Variants in ATF2 observed in about 807,000 individuals in gnomAD.
ATF2 encodes the protein activating transcription factor 2.
ATF2 carries 24 observed loss-of-function variants against 60.6 expected under a neutral mutation model. That is an observed-to-expected ratio of 0.40 (90% CI 0.29 to 0.56). The LOEUF is 0.56. Ranked by LOEUF, ATF2 falls within the 20% of genes least tolerant of loss-of-function variation. ATF2 has a pLI of 0.54. For synonymous variants in ATF2, 206 were observed against 215.4 expected (o/e 0.96, Z 0.38); for missense variants, 433 against 607.7 (o/e 0.71, Z 3.02).
intron 1 of ATF2, among the ~76,000 whole-genome samples, chr2:175,167,037 T>C (rs1469797968): frequency 1.3e-5 from 2 of 152,198 alleles, no homozygotes; most frequent in African/African-American, 4.8e-5. Flanking sequence ...AAATTTCTGA[T>C]GCCTAAGGTC....
At chr2:175,106,653 T>G (rs1205400) in intron 10 of ATF2, among the ~76,000 whole-genome samples, 1 of 151,478 alleles carries the variant, frequency 6.6e-6, no homozygotes, top group Non-Finnish European at 1.5e-5. Flanking sequence ...CTGGCCAACA[T>G]GGTGAAACCC....
rs1277518251 is a variant in ATF2, at chr2:175,080,770, A to T, written c.1186-5T>A. The T allele has an allele frequency of 2.5e-6, 4 of 1,608,206 alleles. No individual in the cohort carries two copies. Among genetic ancestry groups the T allele is most frequent in the Admixed American group, 3.3e-5 (2 of 59,752 alleles). ...TCTCAGCAGGGTGACTTCACTCTGG[A>T]GAAGAAACAACTTATGTACCTTACC... is the stretch of plus-strand genomic sequence containing the variant. On this transcript the variant is annotated splice_region_variant and splice_polypyrimidine_tract_variant and intron_variant, in intron 12 of 13. Transcript: ENST00000264110.
In ATF2 at chr2:175,111,644, G is replaced by A. The variant is rs200331162; in HGVS notation, c.752C>T (p.Pro251Leu). 6.2e-7 allele frequency: 1 copy of A among 1,613,460 alleles called. No individual in the cohort carries two copies. The change falls in exon 10 of 14, where the codon CCA (proline) becomes CTA (leucine). Residue 251 changes from proline to leucine, a missense_variant. Transcript: ENST00000264110. Reference protein sequence around the residue: ...HVPAAVPLVRPVTMVPSVPGI... With the variant: ...HVPAAVPLVRLVTMVPSVPGI... ...TGGAACACTAGGCACCATGGTGACT[G>A]GTCGAACGAGCTATGCATGACATAA...
At chr2:175,133,794 A>G (rs558108014) in intron 3 of ATF2, among the ~76,000 whole-genome samples, 1 of 152,324 alleles carries the variant, frequency 6.6e-6, no homozygotes, top group African/African-American at 2.4e-5. Flanking sequence ...GCAAAGGTTA[A>G]ACAGGACACA....
intron 2 of ATF2, among the ~76,000 whole-genome samples, chr2:175,149,949 T>G (rs1351233592): frequency 1.3e-5 from 2 of 152,184 alleles, no homozygotes; most frequent in African/African-American, 4.8e-5. Context: ...TAAACATTAT[T>G]GAGCACATGC....
chr2:175,102,621 T>C (rs1325566604), intron 10 of ATF2, among the ~76,000 whole-genome samples: 2 of 151,980 alleles, frequency 1.3e-5, no homozygotes, highest in Non-Finnish European at 2.9e-5. Flanking sequence ...ACTTAAAAAT[T>C]AGCCAGGTGT....
At chr2:175,105,886 T>A (rs1337722502) in intron 10 of ATF2, among the ~76,000 whole-genome samples, 1 of 152,154 alleles carries the variant, frequency 6.6e-6, no homozygotes, top group Non-Finnish European at 1.5e-5. Context: ...AGTGCACTTC[T>A]AAATAACTCA....
intron 3 of ATF2, among the ~76,000 whole-genome samples, chr2:175,133,073 A>G (rs1682266684): frequency 6.6e-6 from 1 of 151,704 alleles, no homozygotes; most frequent in African/African-American, 2.4e-5. Context: ...TGGGCAACAG[A>G]GTGAGACTCT....
rs185620426 is a variant in ATF2 at position 175,118,175 on chromosome 2, T to C, written c.319-57A>G. On this transcript the variant is annotated intron_variant, in intron 6 of 13. Coordinates refer to ENST00000264110, the MANE Select transcript of ATF2 (RefSeq NM_001880.4). ...AGTTCAAAAACAGTGTGTCTAAATT[T>C]AAAAAGCAGGAAGTATAAACTATGA... 5.6e-6 allele frequency: 9 copies of C among 1,594,246 alleles called. No individual in the cohort carries two copies. In the East Asian group the frequency reaches 1.8e-4, roughly 32 times the overall value.
At chr2:175,142,699 G>A (rs1358516467) in intron 2 of ATF2, among the ~76,000 whole-genome samples, 1 of 114,762 alleles carries the variant, frequency 8.7e-6, no homozygotes, top group Non-Finnish European at 1.9e-5. Context: ...GAGAGAGAGA[G>A]AGAGAGAGAG....
chr2:175,123,803 T>A (rs1159077767), intron 4 of ATF2, among the ~76,000 whole-genome samples: 1 of 152,020 alleles, frequency 6.6e-6, no homozygotes, highest in Non-Finnish European at 1.5e-5. Context: ...ATTAATTATA[T>A]ACAGGGACAG....
chr2:175,142,186 C>CTTTTTT (rs377013083), intron 2 of ATF2, among the ~76,000 whole-genome samples: 5 of 133,026 alleles, frequency 3.8e-5, no homozygotes, highest in Admixed American at 7.5e-5. Flanking sequence ...GTTTTCTTTT[C>CTTTTTT]TTTTTTTTTT....
At position 175,074,468 on chromosome 2, in the gene ATF2, A is replaced by G. The variant is rs1693142830; in HGVS notation, c.*141T>C. The G allele has an allele frequency of 9.0e-7, 1 of 1,107,212 alleles. No individual in the cohort carries two copies. The highest frequency in any genetic ancestry group is 1.6e-5 in the African/African-American group (1 of 62,884). 68.6% of individuals were successfully genotyped at this position (1,107,212 alleles called of 1,614,324 possible). ...CAGTCTGATCAACTGCTGCTACACC[A>G]ACTTTAGAGCCAAATTTAATTTCAA... On this transcript the variant is annotated 3_prime_UTR_variant, in exon 14 of 14. Transcript: ENST00000264110.
chr2:175,074,766 T>C lies in ATF2; in HGVS notation c.1361A>G (p.His454Arg), dbSNP rs1693174197. 1.9e-6 allele frequency: 3 copies of C among 1,613,638 alleles called. No individual in the cohort carries two copies. Among genetic ancestry groups the C allele is most frequent in the Non-Finnish European group, 2.5e-6 (3 of 1,179,722 alleles). Residue 454 changes from histidine to arginine, a missense_variant, in exon 14 of 14, where the codon CAT becomes CGT. This residue lies in a region of ATF2 where 114 missense variants were observed against 104.0 expected (regional missense o/e 1.10). Transcript: ENST00000264110. ...TCCATTGGATGTGCTGACCGAACTA[T>C]GCTGTATAGCTTCTGTATGTGGACT... ...PSSPHTEAIQ[H>R]SSVSTSNGVS...
chr2:175,076,801 T>C lies in ATF2; in HGVS notation c.1292-1966A>G, dbSNP rs185943544. On this transcript the variant is annotated intron_variant, in intron 13 of 13. Coordinates refer to ENST00000264110, the MANE Select transcript of ATF2 (RefSeq NM_001880.4). ...TTTAAAATTTTTTTATTTTTATCACTTTTTAAAAATTATACTTTAAGTTTT... is the reference window on the plus strand; with the variant it reads ...TTTAAAATTTTTTTATTTTTATCACCTTTTAAAAATTATACTTTAAGTTTT... 1.7e-3 allele frequency among the ~76,000 whole-genome samples: 252 copies of C among 152,208 alleles called. 3 individuals are homozygous for C. The highest frequency in any genetic ancestry group is 3.4e-3 in the Middle Eastern group (1 of 294).
At chr2:175,096,166 T>C (rs879919504) in intron 11 of ATF2, among the ~76,000 whole-genome samples, 7 of 152,208 alleles carry the variant, frequency 4.6e-5, no homozygotes, top group Non-Finnish European at 1.0e-4. Flanking sequence ...ATTCTTCAAG[T>C]AAAGATAAAA....
intron 2 of ATF2, among the ~76,000 whole-genome samples, chr2:175,140,440 C>T (rs1357083576): frequency 6.6e-6 from 1 of 151,732 alleles, no homozygotes; most frequent in Non-Finnish European, 1.5e-5. Flanking sequence ...AAATGAAAAC[C>T]ACAGCGACAG....
At position 175,073,496 on chromosome 2, in the gene ATF2, C is replaced by T. The variant is rs186067337; in HGVS notation, c.*1113G>A. The T allele has an allele frequency of 4.6e-5, 7 of 152,184 alleles. No individual in the cohort carries two copies. The highest frequency in any genetic ancestry group is 3.3e-4 in the Admixed American group (5 of 15,244). 9.4% of individuals were successfully genotyped at this position (152,184 alleles called of 1,614,324 possible). On this transcript the variant is annotated 3_prime_UTR_variant, in exon 14 of 14. Transcript: ENST00000264110. ...GCGCACACACACACAGATACACACA[C>T]ACTCTCTCTCATTCATGCACACTTC...
At position 175,094,403 on chromosome 2, in the gene ATF2, G is replaced by GAAAAAAAAA. The variant is rs61440218; in HGVS notation, c.979-1145_979-1137dup. Among the ~76,000 whole-genome samples, 280 of 61,162 alleles carry GAAAAAAAAA rather than the reference G, an allele frequency of 4.6e-3. 1 individual carries two copies. Among genetic ancestry groups the GAAAAAAAAA allele is most frequent in the East Asian group, 9.8e-3 (13 of 1,332 alleles). The allele number at this position is 61,162 out of a possible 152,430, so 40.1% of individuals were successfully genotyped here. ...AGCGAGACTCAGTCTCAAAAAATAC[G>GAAAAAAAAA]AAAAAAAAAAAAAAAAAAAAAAAAA... is the stretch of plus-strand genomic sequence containing the variant. On this transcript the variant is annotated intron_variant, in intron 11 of 13. Coordinates refer to ENST00000264110, the MANE Select transcript of ATF2 (RefSeq NM_001880.4).
Sources: gnomAD v4.1 joint callset for allele counts (sites outside exome capture counted in the v4.1 genomes callset) on GRCh38, gnomAD v4.1.1 for gene constraint, gnomAD v4.1.1 regional missense constraint, MANE v1.5 for transcripts, NCBI Gene and HGNC (gene_info 2026-07-23, HGNC 2026-07-21) for gene names.